Variants in ADAMTS20 observed in about 807,000 individuals in gnomAD.
ADAMTS20 encodes ADAM metallopeptidase with thrombospondin type 1 motif 20.
A neutral mutation model predicts 260.1 loss-of-function variants in ADAMTS20; 225 were observed. The observed-to-expected ratio is 0.87, with a 90% CI of 0.78 to 0.97. The LOEUF is 0.97. ADAMTS20 is among the 50% of genes least tolerant of loss of function. The probability of loss-of-function intolerance (pLI) is 0.00; values close to 1 mark genes in which losing one functional copy is unlikely to be tolerated. For missense variants in ADAMTS20, 2,400 were observed against 2,337.7 expected, an observed-to-expected ratio of 1.03 and a Z score of -0.55; for synonymous variants, 802 against 769.5, an observed-to-expected ratio of 1.04 and a Z score of -0.70.
Position 43,432,705 on chromosome 12 carries a change from G to C in ADAMTS20, c.2827C>G (p.Gln943Glu), listed in dbSNP as rs1565695741. ...TCACCACAGTAGTGGTCATCAACTT[G>C]AACAGTCTGTCCTTCATGAATGGAA... Reference protein sequence around the residue: ...KYSIHEGQTVQVDDHYCGDQL... With the variant: ...KYSIHEGQTVEVDDHYCGDQL... The change falls in exon 20 of 39, where the codon CAA (glutamine) becomes GAA (glutamate). Residue 943 changes from glutamine to glutamate, a missense_variant. Transcript: ENST00000389420. 6.2e-7 allele frequency: 1 copy of C among 1,613,832 alleles called. No homozygotes were observed. The highest frequency in any genetic ancestry group is 2.2e-5 in the East Asian group (1 of 44,864).
intron 29 of ADAMTS20, among the ~76,000 whole-genome samples, chr12:43,393,172 T>C (rs563057177): frequency 2.2e-4 from 34 of 152,196 alleles, no homozygotes; most frequent in African/African-American, 7.9e-4. Context: ...TTAAGTGGCT[T>C]ACTAGAATGG....
intron 4 of ADAMTS20, among the ~76,000 whole-genome samples, chr12:43,497,760 T>C (rs1361629487): frequency 1.3e-5 from 2 of 152,134 alleles, no homozygotes; most frequent in African/African-American, 4.8e-5. Context: ...TTTTAGTTGA[T>C]ATATGCCTCT....
At chr12:43,464,521 A>G (rs1942118880) in intron 10 of ADAMTS20, 70 bp downstream of exon 10, 1 of 1,532,986 alleles carries the variant, frequency 6.5e-7, no homozygotes. Context: ...GAATAAACAC[A>G]TTTTGAAATA....
At chr12:43,416,252 G>C (rs566376808) in intron 28 of ADAMTS20, among the ~76,000 whole-genome samples, 2 of 151,664 alleles carry the variant, frequency 1.3e-5, no homozygotes, top group South Asian at 4.2e-4. Context: ...TTCCCTCCTT[G>C]ACTTTTCGTC....
chr12:43,425,398 C>G (rs1941312439), intron 28 of ADAMTS20, 116 bp downstream of exon 28: 1 of 922,024 alleles, frequency 1.1e-6, no homozygotes, highest in Non-Finnish European at 1.5e-6. Flanking sequence ...GCACATCTTG[C>G]ACATGTACCC....
intron 28 of ADAMTS20, chr12:43,423,781 A>G: frequency 1.4e-6 from 1 of 702,748 alleles, no homozygotes. Flanking sequence ...TTGTCTCTGG[A>G]TCACAGTGCC....
chr12:43,441,083 A>AC (rs1941657804), intron 16 of ADAMTS20, among the ~76,000 whole-genome samples: 1 of 151,376 alleles, frequency 6.6e-6, no homozygotes, highest in African/African-American at 2.4e-5. Context: ...AAAAACAAAA[A>AC]AAAAACTCTA....
Position 43,383,905 on chromosome 12 carries a change from C to T in ADAMTS20, c.4525G>A (p.Val1509Ile). 1 of 1,613,938 alleles carries T rather than the reference C, an allele frequency of 6.2e-7. No homozygotes were observed. The change falls in exon 30 of 39, where the codon GTT becomes ATT. Residue 1509 changes from valine to isoleucine, a missense_variant. Physicochemically the swap from Val to Ile is conservative, Grantham distance 29 (BLOSUM62 3). Transcript: ENST00000389420. ...YCRLKGVGQVVEEMCDQSTRP... is the reference protein window; with the variant it reads ...YCRLKGVGQVIEEMCDQSTRP... ...GTGGACTGATCACACATTTCTTCAA[C>T]CACCTGACCAACACCTTTCAGTCTG...
intron 36 of ADAMTS20, among the ~76,000 whole-genome samples, chr12:43,370,535 C>T (rs1237635460): frequency 6.6e-6 from 1 of 152,174 alleles, no homozygotes; most frequent in African/African-American, 2.4e-5. Flanking sequence ...AAAAGCATGT[C>T]AGTCAACAGC....
intron 29 of ADAMTS20, among the ~76,000 whole-genome samples, chr12:43,390,275 G>T (rs1940569574): frequency 6.6e-6 from 1 of 152,150 alleles, no homozygotes; most frequent in African/African-American, 2.4e-5. Context: ...TCTCCCTGTT[G>T]TACTGATAAA....
At chr12:43,443,206 T>C (rs1412553353) in intron 16 of ADAMTS20, among the ~76,000 whole-genome samples, 1 of 152,226 alleles carries the variant, frequency 6.6e-6, no homozygotes, top group African/African-American at 2.4e-5. Context: ...ATTTTCATGT[T>C]TGTGTCTAAA....
intron 12 of ADAMTS20, among the ~76,000 whole-genome samples, chr12:43,453,423 T>C (rs1941905852): frequency 6.6e-6 from 1 of 152,162 alleles, no homozygotes; most frequent in Non-Finnish European, 1.5e-5. Context: ...AGATATGCTT[T>C]AGTACTTATT....
At chr12:43,520,176 C>A (rs1666077315) in intron 3 of ADAMTS20, among the ~76,000 whole-genome samples, 1 of 152,030 alleles carries the variant, frequency 6.6e-6, no homozygotes, top group African/African-American at 2.4e-5. Flanking sequence ...TGGCTTCAGG[C>A]TTAACTGTAC....
chr12:43,506,530 A>G (rs1942844653), intron 3 of ADAMTS20, among the ~76,000 whole-genome samples: 1 of 150,362 alleles, frequency 6.7e-6, no homozygotes, highest in Non-Finnish European at 1.5e-5. Flanking sequence ...GGCTGGATGG[A>G]GTGCAGTGGC....
chr12:43,383,839 C>A lies in ADAMTS20; in HGVS notation c.4591G>T (p.Val1531Leu). ...CCTCTTTCCATCCCCTTGTGCTGCA[C>A]ACAGTCCTGACTCCAACATCGCCTC... ...SQRRCWSQDC[V>L]QHKGMERGRL... is the part of the protein sequence containing the mutation. The change falls in exon 30 of 39, where the codon GTG (valine) becomes TTG (leucine). Residue 1531 changes from valine (V) to leucine (L), a missense_variant. Coordinates refer to ENST00000389420, the MANE Select transcript of ADAMTS20 (RefSeq NM_025003.5). 6.2e-7 allele frequency: 1 copy of A among 1,613,900 alleles called. No homozygotes were observed. Among genetic ancestry groups the A allele is most frequent in the Non-Finnish European group, 8.5e-7 (1 of 1,179,834 alleles).
intron 23 of ADAMTS20, 60 bp from the exon 24 acceptor site, chr12:43,429,784 C>T: frequency 1.8e-6 from 2 of 1,082,056 alleles, no homozygotes; most frequent in Non-Finnish European, 2.6e-6. Context: ...TATACAAAAT[C>T]TAATACTTCA....
At chr12:43,430,724 TATAA>T (rs1480402730) in intron 22 of ADAMTS20, among the ~76,000 whole-genome samples, 1 of 152,166 alleles carries the variant, frequency 6.6e-6, no homozygotes, top group African/African-American at 2.4e-5. Flanking sequence ...CATATAAAAA[TATAA>T]ATAGAGGCCT....
intron 11 of ADAMTS20, 43 bp downstream of exon 11, chr12:43,462,852 G>A (rs1025168638): frequency 2.7e-6 from 4 of 1,487,166 alleles, no homozygotes; most frequent in Non-Finnish European, 3.7e-6. Flanking sequence ...TCACATCCTT[G>A]GATAATATCT....
intron 2 of ADAMTS20, among the ~76,000 whole-genome samples, chr12:43,534,476 C>T (rs1648760458): frequency 6.6e-6 from 1 of 152,090 alleles, no homozygotes; most frequent in African/African-American, 2.4e-5. Flanking sequence ...AGAATTTATC[C>T]TATATATACC....
Sources: allele counts gnomAD v4.1 joint callset (sites outside exome capture counted in the v4.1 genomes callset), GRCh38; gene constraint gnomAD v4.1.1; transcripts MANE v1.5; gene names NCBI Gene and HGNC (gene_info 2026-07-23, HGNC 2026-07-21).